The following HFM1 variants were observed in gnomAD, a reference collection of about 807,000 sequenced individuals.
HFM1 encodes helicase for meiosis 1.
A neutral mutation model predicts 192.1 loss-of-function variants in HFM1; 169 were observed. That is an observed-to-expected ratio of 0.88 (90% confidence interval 0.78 to 1.00). The LOEUF (loss-of-function observed/expected upper bound fraction) is 1.00. HFM1 is among the 50% of genes least tolerant of loss of function. HFM1 has a pLI of 0.00. For missense variants in HFM1, 1,661 were observed against 1,668.0 expected, an observed-to-expected ratio of 1.00 and a Z score of 0.07; for synonymous variants, 525 against 537.8, an observed-to-expected ratio of 0.98 and a Z score of 0.33.
At chr1:91,300,879 C>T (rs1186865317) in intron 30 of HFM1, among the ~76,000 whole-genome samples, 1 of 152,128 alleles carries the variant, frequency 6.6e-6, no homozygotes, top group Non-Finnish European at 1.5e-5. Flanking sequence ...TGGCACAAGA[C>T]AAGGATGCCC....
chr1:91,286,211 G>A (rs1404810761), intron 30 of HFM1, among the ~76,000 whole-genome samples: 1 of 152,134 alleles, frequency 6.6e-6, no homozygotes, highest in Non-Finnish European at 1.5e-5. Flanking sequence ...TCTTTATCTT[G>A]ACTTTTAACA....
At chr1:91,280,938 G>C (rs1667405307) in intron 30 of HFM1, among the ~76,000 whole-genome samples, 1 of 152,192 alleles carries the variant, frequency 6.6e-6, no homozygotes, top group Non-Finnish European at 1.5e-5. Context: ...CTACATTGCT[G>C]CTTAGGGACT....
intron 4 of HFM1, among the ~76,000 whole-genome samples, chr1:91,392,889 A>T (rs1454916862): frequency 6.6e-6 from 1 of 152,164 alleles, no homozygotes; most frequent in East Asian, 1.9e-4. Context: ...TAGAGACAGA[A>T]AGTAGATTAG....
intron 11 of HFM1, among the ~76,000 whole-genome samples, chr1:91,377,041 A>G (rs2101979944): frequency 1.3e-5 from 2 of 151,674 alleles, no homozygotes; most frequent in South Asian, 4.2e-4. Flanking sequence ...TAAAACCACA[A>G]AAATAGTATT....
intron 7 of HFM1, among the ~76,000 whole-genome samples, 176 bp downstream of exon 7, chr1:91,380,736 T>A (rs1661458398): frequency 6.6e-6 from 1 of 151,932 alleles, no homozygotes; most frequent in Non-Finnish European, 1.5e-5. Flanking sequence ...TACAAACAAA[T>A]CCACCTATGA....
intron 30 of HFM1, among the ~76,000 whole-genome samples, chr1:91,284,219 CATTA>C (rs1380230828): frequency 6.6e-6 from 1 of 151,228 alleles, no homozygotes; most frequent in African/African-American, 2.4e-5. Flanking sequence ...CATTCAACTA[CATTA>C]ATTATTATTA....
chr1:91,375,219 C>A, intron 13 of HFM1, 139 bp downstream of exon 13: 1 of 614,712 alleles, frequency 1.6e-6, no homozygotes, highest in Non-Finnish European at 2.9e-6. Context: ...ACTTAATCCT[C>A]AAAATTATCA....
intron 3 of HFM1, among the ~76,000 whole-genome samples, chr1:91,394,837 T>C (rs1351328998): frequency 6.6e-6 from 1 of 152,064 alleles, no homozygotes; most frequent in Non-Finnish European, 1.5e-5. Context: ...GTTTGCAATC[T>C]TGCTTCTAAA....
At chr1:91,281,342 T>C (rs1667446584) in intron 30 of HFM1, among the ~76,000 whole-genome samples, 1 of 152,218 alleles carries the variant, frequency 6.6e-6, no homozygotes, top group East Asian at 1.9e-4. Flanking sequence ...ATCCATCTTG[T>C]TTCTTTAAGT....
intron 34 of HFM1, among the ~76,000 whole-genome samples, chr1:91,271,842 C>T (rs1020501616): frequency 3.3e-5 from 5 of 152,052 alleles, no homozygotes; most frequent in Non-Finnish European, 7.4e-5. Flanking sequence ...GGCTGGGAAT[C>T]AAAAGATATG....
intron 4 of HFM1, among the ~76,000 whole-genome samples, chr1:91,389,406 C>T (rs282020): frequency 0.88 from 133,628 of 152,170 alleles, 58,732 homozygotes; most frequent in Middle Eastern, 0.92. Flanking sequence ...GTGATCTGCC[C>T]GCCTCAGCCT....
rs759556646 is a variant in HFM1, at chr1:91,394,243, G to A, written c.344C>T (p.Ser115Leu). ...NLEGVGNNDL[S>L]HIAGKLTYAS... ...ATATGTCAGCTTGCCAGCAATATGT[G>A]ATAAGTCATTATTACCTACCCCTTC... The change falls in exon 4 of 39, where the codon TCA becomes TTA. Residue 115 changes from serine (S) to leucine (L), a missense_variant. By Grantham distance (145) the Ser-to-Leu change is moderately radical. Coordinates refer to ENST00000370425, the MANE Select transcript of HFM1 (RefSeq NM_001017975.6). 6.3e-7 allele frequency: 1 copy of A among 1,599,340 alleles called. No homozygotes were observed. Among genetic ancestry groups the A allele is most frequent in the Admixed American group, 1.7e-5 (1 of 59,940 alleles).
intron 6 of HFM1, among the ~76,000 whole-genome samples, chr1:91,384,846 C>T (rs1275730708): frequency 2.0e-5 from 3 of 151,628 alleles, no homozygotes; most frequent in Non-Finnish European, 4.4e-5. Flanking sequence ...CAGGTTCAAG[C>T]GATTCTCCTC....
At chr1:91,290,700 C>A (rs918534313) in intron 30 of HFM1, among the ~76,000 whole-genome samples, 1 of 152,108 alleles carries the variant, frequency 6.6e-6, no homozygotes, top group Admixed American at 6.5e-5. Flanking sequence ...ACCAACCGGA[C>A]CTAATAGACA....
intron 20 of HFM1, among the ~76,000 whole-genome samples, chr1:91,332,856 A>G (rs1654032509): frequency 6.6e-6 from 1 of 152,226 alleles, no homozygotes. Context: ...AAGGTGCTCA[A>G]CATCACTGAT....
At chr1:91,313,522 ATGTT>A in intron 29 of HFM1, 27 bp from the exon 30 acceptor site, 1 of 1,511,720 alleles carries the variant, frequency 6.6e-7, no homozygotes, top group Non-Finnish European at 8.9e-7. Flanking sequence ...AAGTACACAA[ATGTT>A]TATTTGTCAT....
intron 4 of HFM1, among the ~76,000 whole-genome samples, chr1:91,389,132 G>GTTTTTTTTTTTT (rs34874992): frequency 1.2e-5 from 1 of 82,520 alleles, no homozygotes. Flanking sequence ...TTTTTGTTGG[G>GTTTTTTTTTTTT]TTTTTTTTTT....
chr1:91,363,837 C>G (rs1041533904), intron 13 of HFM1, among the ~76,000 whole-genome samples: 4 of 152,088 alleles, frequency 2.6e-5, no homozygotes, highest in East Asian at 1.9e-4. Context: ...CATATATACT[C>G]TGGAATACTA....
intron 6 of HFM1, among the ~76,000 whole-genome samples, chr1:91,384,473 G>C (rs1661932103): frequency 6.6e-6 from 1 of 152,068 alleles, no homozygotes; most frequent in South Asian, 2.1e-4. Flanking sequence ...CTCCAAATTA[G>C]ATTTTCAAAA....
Sources: gnomAD v4.1 joint callset for allele counts (sites outside exome capture counted in the v4.1 genomes callset) on GRCh38, gnomAD v4.1.1 for gene constraint, MANE v1.5 for transcripts, NCBI Gene and HGNC (gene_info 2026-07-23, HGNC 2026-07-21) for gene names.